KCNH1: variants seen among roughly 807,000 people sequenced by gnomAD.
KCNH1 encodes the protein potassium voltage-gated channel subfamily H member 1.
A neutral mutation model predicts 69.2 loss-of-function variants in KCNH1; 27 were observed. That is an observed-to-expected ratio of 0.39 (90% confidence interval 0.29 to 0.54). The LOEUF (loss-of-function observed/expected upper bound fraction) is 0.54. Among genes scored for constraint, KCNH1 ranks in the 20% least tolerant of loss-of-function variants. The pLI is 0.68. For missense variants in KCNH1, 798 were observed against 1,261.6 expected (o/e 0.63, Z 5.57); for synonymous variants, 456 against 487.7 (o/e 0.93, Z 0.86).
chr1:210,975,949 C>G (rs1223724342), intron 6 of KCNH1, among the ~76,000 whole-genome samples: 1 of 152,194 alleles, frequency 6.6e-6, no homozygotes, highest in Non-Finnish European at 1.5e-5. Context: ...AGGATATGAA[C>G]AGACACTTCT....
chr1:210,844,995 C>G (rs953446722), intron 7 of KCNH1, among the ~76,000 whole-genome samples: 5 of 152,266 alleles, frequency 3.3e-5, no homozygotes, highest in African/African-American at 9.6e-5. Context: ...GGATAAATTC[C>G]TCGACACATA....
intron 5 of KCNH1, among the ~76,000 whole-genome samples, chr1:211,075,571 C>G (rs1185917861): frequency 6.6e-6 from 1 of 152,148 alleles, no homozygotes; most frequent in East Asian, 1.9e-4. Flanking sequence ...CTAACTGGCC[C>G]CACCCAGGTG....
chr1:211,131,657 G>C (rs555373162), intron 1 of KCNH1, among the ~76,000 whole-genome samples: 1 of 152,190 alleles, frequency 6.6e-6, no homozygotes, highest in South Asian at 2.1e-4. Flanking sequence ...ATAATATAAT[G>C]CATGCAGATA....
intron 9 of KCNH1, among the ~76,000 whole-genome samples, chr1:210,794,977 C>T (rs971957640): frequency 6.6e-6 from 1 of 152,142 alleles, no homozygotes; most frequent in Non-Finnish European, 1.5e-5. Context: ...CCTATTTATA[C>T]ACAGTTGAAT....
chr1:211,062,637 A>T lies in KCNH1; in HGVS notation c.558+20143T>A, dbSNP rs567081199. ...AAGTTAAAAGCTAATAATCTCATTTAAAATGGACAAAAGATCTAAATAGAT... is the reference window on the plus strand; with the variant it reads ...AAGTTAAAAGCTAATAATCTCATTTTAAATGGACAAAAGATCTAAATAGAT... On this transcript the variant is annotated intron_variant, in intron 5 of 10. Coordinates refer to ENST00000271751, the MANE Select transcript of KCNH1 (RefSeq NM_172362.3). Among the ~76,000 whole-genome samples the T allele has an allele frequency of 4.1e-4, 63 of 152,346 alleles. 1 individual carries two copies. Among genetic ancestry groups the T allele is most frequent in the Admixed American group, 1.5e-3 (23 of 15,304 alleles).
intron 5 of KCNH1, among the ~76,000 whole-genome samples, chr1:211,044,703 C>A (rs1396235099): frequency 6.6e-6 from 1 of 152,028 alleles, no homozygotes; most frequent in Non-Finnish European, 1.5e-5. Context: ...ATCAAAACCA[C>A]AATGTGATAC....
rs1229755349 is a variant in KCNH1 at position 211,029,440 on chromosome 1, T to A, written c.559-10184A>T. Among the ~76,000 whole-genome samples, 3 of 133,610 alleles carry A rather than the reference T, an allele frequency of 2.2e-5. No individual in the cohort carries two copies. In the East Asian group the frequency reaches 6.7e-4, roughly 30 times the overall value. 87.7% of individuals were successfully genotyped at this position (133,610 alleles called of 152,430 possible). A position where few individuals can be genotyped will look rare whatever the true frequency, so the allele number is the denominator to read the frequency against. On this transcript the variant is annotated intron_variant, in intron 5 of 10. Transcript: ENST00000271751. ...GTAATGTATGATATTAACAGGCTAA[T>A]GAAAAAAACACTCTTATCAATTGAT...
intron 6 of KCNH1, among the ~76,000 whole-genome samples, chr1:210,943,905 A>T (rs561828369): frequency 1.3e-5 from 2 of 152,206 alleles, no homozygotes; most frequent in South Asian, 4.1e-4. Context: ...TTCCATGGGG[A>T]CTCAGTAGAT....
chr1:211,127,333 C>T (rs1202584932), intron 1 of KCNH1, among the ~76,000 whole-genome samples: 2 of 151,694 alleles, frequency 1.3e-5, no homozygotes, highest in Non-Finnish European at 2.9e-5. Context: ...CTAGTTCCTT[C>T]TCCCTTCCAG....
intron 1 of KCNH1, among the ~76,000 whole-genome samples, chr1:211,113,512 T>C (rs903382053): frequency 2.0e-5 from 3 of 152,180 alleles, no homozygotes; most frequent in Non-Finnish European, 4.4e-5. Flanking sequence ...TAAAACTTAG[T>C]GTGCTGGCCA....
At chr1:210,861,336 G>T (rs1685974028) in intron 7 of KCNH1, 1 of 789,578 alleles carries the variant, frequency 1.3e-6, no homozygotes, top group East Asian at 2.4e-5. Flanking sequence ...GCCATATATT[G>T]CTTCTCGTTG....
chr1:210,771,907 T>A (rs1211790877), intron 10 of KCNH1, among the ~76,000 whole-genome samples: 1 of 152,216 alleles, frequency 6.6e-6, no homozygotes, highest in Non-Finnish European at 1.5e-5. Context: ...TTCTGCCTCT[T>A]TCATCCTTGT....
intron 10 of KCNH1, among the ~76,000 whole-genome samples, chr1:210,693,389 C>G (rs185276115): frequency 2.0e-5 from 3 of 152,200 alleles, no homozygotes; most frequent in African/African-American, 7.2e-5. Context: ...CCTAGTTCTT[C>G]TTCAGTGCAG....
rs538373105 is a variant in KCNH1 at position 211,050,134 on chromosome 1, A to G, written c.559-30878T>C. Among the ~76,000 whole-genome samples, 42 of 152,074 alleles carry G rather than the reference A, an allele frequency of 2.8e-4. 1 individual carries two copies. In the South Asian group the frequency reaches 6.5e-3, roughly 23 times the overall value. ...GGTCCTCTAAACCATTACTCTAGGT[A>G]CACCCATGCCAGCACCTATATGTGT... On this transcript the variant is annotated intron_variant, in intron 5 of 10. Coordinates refer to ENST00000271751, the MANE Select transcript of KCNH1 (RefSeq NM_172362.3).
At chr1:210,763,722 C>T (rs951681285) in intron 10 of KCNH1, among the ~76,000 whole-genome samples, 3 of 152,070 alleles carry the variant, frequency 2.0e-5, no homozygotes, top group African/African-American at 7.2e-5. Flanking sequence ...ATAGACAACA[C>T]AAACAAACAG....
At chr1:210,833,294 C>A (rs896783191) in intron 7 of KCNH1, among the ~76,000 whole-genome samples, 3 of 151,998 alleles carry the variant, frequency 2.0e-5, no homozygotes, top group Non-Finnish European at 4.4e-5. Flanking sequence ...AGTTTGTGTC[C>A]CTTGAAAATT....
chr1:210,702,140 G>A (rs901271361), intron 10 of KCNH1, among the ~76,000 whole-genome samples: 1 of 152,144 alleles, frequency 6.6e-6, no homozygotes, highest in Admixed American at 6.5e-5. Flanking sequence ...GTAACTTACT[G>A]TATCACTTTG....
At chr1:210,690,407 C>T (rs557799917) in intron 10 of KCNH1, among the ~76,000 whole-genome samples, 128 of 152,232 alleles carry the variant, frequency 8.4e-4, no homozygotes, top group Middle Eastern at 3.4e-3. Context: ...AGTGGCCGAG[C>T]GTCAGAAGGG....
chr1:210,881,147 C>T (rs1327996542), intron 7 of KCNH1, among the ~76,000 whole-genome samples: 1 of 152,044 alleles, frequency 6.6e-6, no homozygotes, highest in Non-Finnish European at 1.5e-5. Context: ...CTTCCCAAGG[C>T]ATGCTCCATC....
Sources: gnomAD v4.1 joint callset for allele counts (sites outside exome capture counted in the v4.1 genomes callset) on GRCh38, gnomAD v4.1.1 for gene constraint, MANE v1.5 for transcripts, NCBI Gene and HGNC (gene_info 2026-07-23, HGNC 2026-07-21) for gene names.